PCDHA11: variants seen among roughly 807,000 people sequenced by gnomAD.
PCDHA11 encodes protocadherin alpha 11.
In PCDHA11, 61 loss-of-function variants were observed where a neutral mutation model predicts 70.3. The ratio of observed to expected loss-of-function variants is 0.87; its 90% CI spans 0.71 to 1.07. PCDHA11 has a LOEUF of 1.07. PCDHA11 is among the 50% of genes least tolerant of loss of function. The pLI, the probability that PCDHA11 is intolerant of heterozygous loss-of-function variation, is 0.00. For synonymous variants in PCDHA11, 633 were observed against 555.1 expected, an observed-to-expected ratio of 1.14 and a Z score of -1.97; for missense variants, 1,324 against 1,237.5, an observed-to-expected ratio of 1.07 and a Z score of -1.05.
intron 1 of PCDHA11, chr5:140,884,317 G>A (rs1401667312): frequency 3.1e-6 from 5 of 1,613,662 alleles, no homozygotes; most frequent in African/African-American, 2.7e-5. Flanking sequence ...CGAGGGCGTC[G>A]GCAGGCGCTG....
intron 1 of PCDHA11, among the ~76,000 whole-genome samples, chr5:140,950,402 G>A (rs1459486068): frequency 6.6e-6 from 1 of 151,846 alleles, no homozygotes; most frequent in African/African-American, 2.4e-5. Context: ...AATTCTGGGG[G>A]ATTGACAGAT....
chr5:140,876,228 T>G (rs1196218506), intron 1 of PCDHA11: 6 of 1,613,958 alleles, frequency 3.7e-6, no homozygotes, highest in Non-Finnish European at 5.1e-6. Flanking sequence ...TAGTGTTGTC[T>G]GAAAATGTCC....
intron 1 of PCDHA11, among the ~76,000 whole-genome samples, chr5:140,974,181 A>G (rs1361812242): frequency 3.9e-5 from 6 of 152,226 alleles, no homozygotes; most frequent in Non-Finnish European, 8.8e-5. Context: ...TAACTTGACA[A>G]ATGCAAAGGA....
rs530453384 is a variant in PCDHA11, at chr5:140,891,358, GA to G, written c.2391+19865del. Among the ~76,000 whole-genome samples the G allele has an allele frequency of 3.0e-3, 462 of 152,158 alleles. 1 individual carries two copies. Among genetic ancestry groups the G allele is most frequent in the Non-Finnish European group, 4.7e-3 (320 of 67,992 alleles). On this transcript the variant is annotated intron_variant, in intron 1 of 3. Transcript: ENST00000398640. ...TGAGATTTTGGTGCATCCATCACCT[GA>G]GCAGTATACATTGCACCATATTTGC...
chr5:140,966,714 G>C, intron 1 of PCDHA11: 1 of 1,394,064 alleles, frequency 7.2e-7, no homozygotes, highest in South Asian at 1.6e-5. Flanking sequence ...GGCACGGCTG[G>C]GGAAGCTGCC....
intron 3 of PCDHA11, among the ~76,000 whole-genome samples, chr5:141,008,087 A>G (rs1033572346): frequency 7.2e-5 from 11 of 152,172 alleles, no homozygotes; most frequent in African/African-American, 2.7e-4. Flanking sequence ...GTTATTCTAC[A>G]TGACAAAGAA....
In PCDHA11 at chr5:140,870,912, C is replaced by T. The variant is rs1554164817; in HGVS notation, c.1809C>T (p.Asn603=). ...VRAVDADSGY[N]AWLSYELQPA... ...CAGTGGATGCGGACTCAGGCTACAA[C>T]GCGTGGCTTTCATATGAATTGCAGC... is the stretch of plus-strand genomic sequence containing the variant. The change falls in exon 1 of 4, where the codon AAC becomes AAT. Residue 603 remains asparagine (N), a synonymous_variant. Transcript: ENST00000398640. 6.2e-7 allele frequency: 1 copy of T among 1,613,952 alleles called. No homozygotes were observed. The highest frequency in any genetic ancestry group is 1.7e-5 in the Admixed American group (1 of 60,026).
chr5:140,929,713 G>A (rs1328262633), intron 1 of PCDHA11: 3 of 235,294 alleles, frequency 1.3e-5, no homozygotes, highest in Non-Finnish European at 2.6e-5. Flanking sequence ...TAATATGGAA[G>A]GTGAAACATT....
Position 140,876,608 on chromosome 5 carries a change from C to T in PCDHA11, c.2391+5114C>T, listed in dbSNP as rs1267902187. On this transcript the variant is annotated intron_variant, in intron 1 of 3. Transcript: ENST00000398640. ...CTGATTAGCGTGTCGGATCGTGACT[C>T]TGGAGCCAATGGACAGGTCATCTGC... The T allele has an allele frequency of 5.0e-6, 8 of 1,614,070 alleles. No individual in the cohort carries two copies. The highest frequency in any genetic ancestry group is 5.9e-6 in the Non-Finnish European group (7 of 1,180,040).
rs782116961 is a variant in PCDHA11, at chr5:140,966,933, C to T, written c.2392-12016C>T. On this transcript the variant is annotated intron_variant, in intron 1 of 3. Transcript: ENST00000398640. ...GTGCCAGAGGAGCAGGCACCCGGCGCGCTCGTGGGCAACGTGGCTCGCGCG... is the reference window on the plus strand; with the variant it reads ...GTGCCAGAGGAGCAGGCACCCGGCGTGCTCGTGGGCAACGTGGCTCGCGCG... 2.5e-6 allele frequency: 4 copies of T among 1,603,904 alleles called. No individual in the cohort carries two copies. The highest frequency in any genetic ancestry group is 1.1e-5 in the South Asian group (1 of 90,778).
chr5:140,984,712 G>A (rs2097116348), intron 3 of PCDHA11, among the ~76,000 whole-genome samples: 1 of 152,096 alleles, frequency 6.6e-6, no homozygotes, highest in Non-Finnish European at 1.5e-5. Context: ...AGGGAATATG[G>A]CATAAAGATT....
At chr5:140,923,659 G>A in intron 1 of PCDHA11, among the ~76,000 whole-genome samples, 1 of 152,224 alleles carries the variant, frequency 6.6e-6, no homozygotes, top group East Asian at 1.9e-4. Context: ...CTTATCTTTG[G>A]GATATCGTTC....
chr5:141,011,509 G>C lies in PCDHA11; in HGVS notation c.*1572G>C, dbSNP rs2098420853. ...TTTTGTACACCTGTGAAAAAGTGGA[G>C]TAGTGTTTTTTTAACCATTGTTAAT... is the stretch of plus-strand genomic sequence containing the variant. On this transcript the variant is annotated 3_prime_UTR_variant, in exon 4 of 4. Coordinates refer to ENST00000398640, the MANE Select transcript of PCDHA11 (RefSeq NM_018902.5). The C allele has an allele frequency of 6.5e-6, 1 of 153,760 alleles. No individual in the cohort carries two copies. The highest frequency in any genetic ancestry group is 1.5e-5 in the Non-Finnish European group (1 of 68,040). The allele number at this position is 153,760 out of a possible 1,614,324, so 9.5% of individuals were successfully genotyped here.
intron 3 of PCDHA11, among the ~76,000 whole-genome samples, chr5:140,990,557 A>G (rs782726055): frequency 2.0e-5 from 3 of 152,166 alleles, no homozygotes; most frequent in Non-Finnish European, 4.4e-5. Flanking sequence ...TTACCCAAGA[A>G]CACACACCTG....
At chr5:140,878,063 T>A (rs2057461897) in intron 1 of PCDHA11, 1 of 402,806 alleles carries the variant, frequency 2.5e-6, no homozygotes, top group Non-Finnish European at 4.1e-6. Context: ...CACTTAATAT[T>A]TTTCTTTTTC....
chr5:140,942,443 A>G (rs1204508547), intron 1 of PCDHA11, among the ~76,000 whole-genome samples: 2 of 152,100 alleles, frequency 1.3e-5, no homozygotes, highest in African/African-American at 4.8e-5. Flanking sequence ...ATAAACAAGT[A>G]AACTATCAAT....
At chr5:140,914,929 G>A (rs1167844428) in intron 1 of PCDHA11, among the ~76,000 whole-genome samples, 2 of 145,306 alleles carry the variant, frequency 1.4e-5, no homozygotes, top group African/African-American at 5.0e-5. Flanking sequence ...ATTGTACTAT[G>A]TTGTGAAAAG....
intron 1 of PCDHA11, among the ~76,000 whole-genome samples, chr5:140,893,391 G>A (rs1481818388): frequency 6.6e-6 from 1 of 152,158 alleles, no homozygotes; most frequent in Non-Finnish European, 1.5e-5. Context: ...AGTGGCTCAT[G>A]CCTGTAATCC....
In PCDHA11 at chr5:140,869,551, T is replaced by A. The variant is rs570153514; in HGVS notation, c.448T>A (p.Ser150Thr). Residue 150 changes from serine (S) to threonine (T), a missense_variant, in exon 1 of 4, where the codon TCG becomes ACG. Coordinates refer to ENST00000398640, the MANE Select transcript of PCDHA11 (RefSeq NM_018902.5). ...LLIAESKQSD[S>T]RFPLEGASDA... ...GATTGCGGAATCTAAGCAATCGGAC[T>A]CGCGTTTTCCACTAGAGGGAGCTTC... 3.1e-6 allele frequency: 5 copies of A among 1,614,218 alleles called. No individual in the cohort carries two copies. The East Asian group carries it at 6.7e-5, about 22-fold the overall frequency.
Sources: gnomAD v4.1 joint callset for allele counts (sites outside exome capture counted in the v4.1 genomes callset) on GRCh38, gnomAD v4.1.1 for gene constraint, MANE v1.5 for transcripts, NCBI Gene and HGNC (gene_info 2026-07-23, HGNC 2026-07-21) for gene names.